BRSK2: variants seen among roughly 807,000 people sequenced by gnomAD.
The protein encoded by BRSK2 is BR serine/threonine kinase 2, also known as serine/threonine-protein kinase BRSK2.
BRSK2 carries 19 observed loss-of-function variants against 83.3 expected under a neutral mutation model. The ratio of observed to expected loss-of-function variants is 0.23; its 90% CI spans 0.16 to 0.33. BRSK2 has a LOEUF of 0.33. Among genes scored for constraint, BRSK2 ranks in the 10% least tolerant of loss-of-function variants. The pLI is 1.00. For missense variants in BRSK2, 798 were observed against 1,042.3 expected, an observed-to-expected ratio of 0.77 and a Z score of 3.23; for synonymous variants, 519 against 435.4, an observed-to-expected ratio of 1.19 and a Z score of -2.39.
Position 1,450,624 on chromosome 11 carries a change from C to T in BRSK2, c.1325C>T (p.Pro442Leu), listed in dbSNP as rs373456866. The change falls in exon 14 of 20, where the codon CCC becomes CTC. Residue 442 changes from proline to leucine, a missense_variant. Transcript: ENST00000528841. ...CCCTCACCAAGGGGCAGTCCCCTCCCCACCCCCAAGGGGACACCTGTCCAC... is the reference window on the plus strand; with the variant it reads ...CCCTCACCAAGGGGCAGTCCCCTCCTCACCCCCAAGGGGACACCTGTCCAC... ...PHPSPRGSPL[P>L]TPKGTPVHTP... 12 of 1,598,880 alleles carry T rather than the reference C, an allele frequency of 7.5e-6. No individual in the cohort carries two copies. Among genetic ancestry groups the T allele is most frequent in the East Asian group, 2.3e-5 (1 of 44,100 alleles).
At position 1,390,629 on chromosome 11, in the gene BRSK2, CA is replaced by C. The variant is rs1443770192; in HGVS notation, c.91+255del. On this transcript the variant is annotated intron_variant, in intron 1 of 19. Coordinates refer to ENST00000528841, the MANE Select transcript of BRSK2 (RefSeq NM_001256627.2). The surrounding 1 kb of genome is among the most constrained non-coding windows in gnomAD (Gnocchi z 6.8). ...GCGCGGCGCGGGGCGCGCAGGCGGA[CA>C]GGGGCGCACGGGACGGCGCCCCTCG... 3.4e-5 allele frequency among the ~76,000 whole-genome samples: 5 copies of C among 146,668 alleles called. No individual in the cohort carries two copies. Among genetic ancestry groups the C allele is most frequent in the Non-Finnish European group, 7.6e-5 (5 of 66,060 alleles).
intron 1 of BRSK2, among the ~76,000 whole-genome samples, chr11:1,397,555 C>T (rs57829500): frequency 2.0e-5 from 3 of 152,368 alleles, no homozygotes; most frequent in East Asian, 3.9e-4. Flanking sequence ...GGCTGCCCTA[C>T]GCTGCTTTGC....
At chr11:1,422,008 G>A (rs956449694) in intron 1 of BRSK2, among the ~76,000 whole-genome samples, 4 of 152,148 alleles carry the variant, frequency 2.6e-5, no homozygotes, top group Non-Finnish European at 5.9e-5. Context: ...GGGCCTGCAG[G>A]GGGTCTAGCC....
At chr11:1,457,186 C>T (rs987511967) in intron 18 of BRSK2, 12 of 792,360 alleles carry the variant, frequency 1.5e-5, no homozygotes, top group Non-Finnish European at 2.3e-5. Context: ...CCCCGGGCGG[C>T]CCATCTGCTA....
At position 1,406,892 on chromosome 11, in the gene BRSK2, CTGTG is replaced by C. The variant is rs550043858; in HGVS notation, c.91+16521_91+16524del. Among the ~76,000 whole-genome samples the C allele has an allele frequency of 1.0e-3, 152 of 152,284 alleles. 2 individuals carry two copies. The highest frequency in any genetic ancestry group is 2.9e-3 in the South Asian group (14 of 4,826). ...TGCAGGTTTGTGTGCGCCTGCATAT[CTGTG>C]TGTCTGTGTGCGTGTGTGTGTGTGG... On this transcript the variant is annotated intron_variant, in intron 1 of 19. Transcript: ENST00000528841.
chr11:1,412,030 C>T (rs1205519821), intron 1 of BRSK2, among the ~76,000 whole-genome samples: 18 of 109,050 alleles, frequency 1.7e-4, no homozygotes, highest in Non-Finnish European at 3.8e-5. Context: ...GCCGCCCCGT[C>T]CTGCGGTGGG....
At position 1,440,914 on chromosome 11, in the gene BRSK2, C is replaced by T. The variant is rs369025501; in HGVS notation, c.399C>T (p.His133=). 5 of 1,609,390 alleles carry T rather than the reference C, an allele frequency of 3.1e-6. No individual in the cohort carries two copies. Among genetic ancestry groups the T allele is most frequent in the Non-Finnish European group, 3.4e-6 (4 of 1,178,810 alleles). Residue 133 remains histidine, a synonymous_variant, in exon 4 of 20, where the codon CAC becomes CAT. Transcript: ENST00000528841. The part of the protein sequence containing the change: ...RQIISALDFC[H]SHSICHRDLK... ...TCATCTCTGCGCTGGACTTCTGCCACAGCCACTCCATATGGTGAGGCCCCA... is the reference window on the plus strand; with the variant it reads ...TCATCTCTGCGCTGGACTTCTGCCATAGCCACTCCATATGGTGAGGCCCCA...
rs374116978 is a variant in BRSK2, at chr11:1,423,804, C to A, written c.92-12236C>A. Among the ~76,000 whole-genome samples the A allele has an allele frequency of 0.048, 5,723 of 119,234 alleles. 18 individuals carry two copies. Among genetic ancestry groups the A allele is most frequent in the Non-Finnish European group, 0.079 (3,831 of 48,518 alleles). 78.2% of individuals were successfully genotyped at this position (119,234 alleles called of 152,430 possible). On this transcript the variant is annotated intron_variant, in intron 1 of 19. Coordinates refer to ENST00000528841, the MANE Select transcript of BRSK2 (RefSeq NM_001256627.2). The surrounding 1 kb of genome is among the most constrained non-coding windows in gnomAD (Gnocchi z 6.5). ...CGTTCCGGGTGCCCCAGGCCTCCCC[C>A]GCTGGGCGTTCCGGGTGCCCCAGGC...
At chr11:1,393,964 A>T (rs1355844148) in intron 1 of BRSK2, among the ~76,000 whole-genome samples, 2 of 92,832 alleles carry the variant, frequency 2.2e-5, no homozygotes, top group Non-Finnish European at 4.7e-5. Flanking sequence ...TGGGTCCTGG[A>T]GATGGGTCCT....
At chr11:1,460,434 T>C (rs1387472324) in intron 19 of BRSK2, 66 bp from the exon 20 acceptor site, 1 of 1,054,086 alleles carries the variant, frequency 9.5e-7, no homozygotes, top group East Asian at 3.7e-5. Flanking sequence ...CCCCTCCTCT[T>C]TCTCTCCCCC....
intron 1 of BRSK2, among the ~76,000 whole-genome samples, chr11:1,405,595 G>T (rs1846813708): frequency 6.6e-6 from 1 of 152,098 alleles, no homozygotes; most frequent in Non-Finnish European, 1.5e-5. Flanking sequence ...TGGGATGGGG[G>T]ACCGACCAGC....
intron 15 of BRSK2, among the ~76,000 whole-genome samples, chr11:1,452,396 C>T (rs1343841288): frequency 3.9e-5 from 6 of 152,234 alleles, no homozygotes; most frequent in African/African-American, 7.2e-5. Context: ...GGGAACCTTC[C>T]GCCTAGGCCC....
At chr11:1,419,870 G>A (rs185246791) in intron 1 of BRSK2, among the ~76,000 whole-genome samples, 179 of 152,348 alleles carry the variant, frequency 1.2e-3, no homozygotes, top group Non-Finnish European at 2.2e-3. Flanking sequence ...CCGAGATGGC[G>A]CCCCTGCACT....
Position 1,454,670 on chromosome 11 carries a change from G to A in BRSK2, c.1668+62G>A, listed in dbSNP as rs867746256. Reference sequence around the variant, plus strand: ...TCCCAACCCCACACGGCCCAGCCCCGAGAATCCAGCCTCCTCACGTAGACA... The same window carrying A: ...TCCCAACCCCACACGGCCCAGCCCCAAGAATCCAGCCTCCTCACGTAGACA... On this transcript the variant is annotated intron_variant, in intron 16 of 19. Coordinates refer to ENST00000528841, the MANE Select transcript of BRSK2 (RefSeq NM_001256627.2). This position sits in a 1 kb window ranked among gnomAD's most constrained non-coding sequence, Gnocchi z 5.2. The A allele has an allele frequency of 7.5e-6, 12 of 1,591,946 alleles. No individual in the cohort carries two copies. The highest frequency in any genetic ancestry group is 4.0e-5 in the African/African-American group (3 of 74,544).
chr11:1,457,905 C>G (rs1215691685), intron 18 of BRSK2, among the ~76,000 whole-genome samples: 1 of 152,122 alleles, frequency 6.6e-6, no homozygotes, highest in Non-Finnish European at 1.5e-5. Flanking sequence ...CCCCCTTCTC[C>G]TGATTTTGGG....
At position 1,412,359 on chromosome 11, in the gene BRSK2, G is replaced by A. The variant is rs1306905535; in HGVS notation, c.91+21984G>A. Among the ~76,000 whole-genome samples, 39 of 16,356 alleles carry A rather than the reference G, an allele frequency of 2.4e-3. 3 individuals carry two copies. The highest frequency in any genetic ancestry group is 4.8e-3 in the Non-Finnish European group (36 of 7,430). The allele number at this position is 16,356 out of a possible 152,430, so 10.7% of individuals were successfully genotyped here. A position where few individuals can be genotyped will look rare whatever the true frequency, so the allele number is the denominator to read the frequency against. ...TCTCAGCTGCGCCGCCCCGTCCTGC[G>A]GTGGGTGGAGTCTCAGCTGCGCCGC... On this transcript the variant is annotated intron_variant, in intron 1 of 19. Transcript: ENST00000528841.
chr11:1,411,292 G>T, intron 1 of BRSK2: 1 of 1,322,734 alleles, frequency 7.6e-7, no homozygotes, highest in Non-Finnish European at 9.6e-7. Flanking sequence ...CCAGTGCCCC[G>T]CCATGGCCTG....
rs1346255757 is a variant in BRSK2, at chr11:1,461,839, T to C, written c.*1116T>C. On this transcript the variant is annotated 3_prime_UTR_variant, in exon 20 of 20. Transcript: ENST00000528841. ...TTTTAGTCCCTTGCTCCTGCTTCTT[T>C]CTACACACACATCTAAAGACGGTGC... 6.6e-6 allele frequency: 1 copy of C among 152,222 alleles called. No individual in the cohort carries two copies. Among genetic ancestry groups the C allele is most frequent in the Non-Finnish European group, 1.5e-5 (1 of 68,046 alleles). 9.4% of individuals were successfully genotyped at this position (152,222 alleles called of 1,614,324 possible).
At chr11:1,395,997 C>T (rs1036453852) in intron 1 of BRSK2, among the ~76,000 whole-genome samples, 2 of 152,196 alleles carry the variant, frequency 1.3e-5, no homozygotes, top group Non-Finnish European at 2.9e-5. Context: ...CTCACGCAGG[C>T]CCAGCTGGAG....
Sources: gnomAD v4.1 joint callset for allele counts (sites outside exome capture counted in the v4.1 genomes callset) on GRCh38, gnomAD v4.1.1 for gene constraint, Gnocchi (gnomAD v3.1) non-coding constraint, MANE v1.5 for transcripts, NCBI Gene and HGNC (gene_info 2026-07-23, HGNC 2026-07-21) for gene names.